The following DCAF16 variants were observed in gnomAD, a reference collection of about 807,000 sequenced individuals.
DCAF16 encodes DDB1 and CUL4 associated factor 16, also known as DDB1- and CUL4-associated factor 16.
In DCAF16, 10 loss-of-function variants were observed where a neutral mutation model predicts 17.3. That is an observed-to-expected ratio of 0.58 (90% confidence interval 0.36 to 0.98). DCAF16 has a LOEUF of 0.98. DCAF16 is among the 50% of genes least tolerant of loss of function. The pLI is 0.01. For synonymous variants in DCAF16, 111 were observed against 92.8 expected (o/e 1.20, Z -1.12); for missense variants, 249 against 247.6 (o/e 1.01, Z -0.04).
intron 1 of DCAF16, among the ~76,000 whole-genome samples, chr4:17,805,427 TAAG>T (rs1163599197): frequency 2.0e-5 from 3 of 152,046 alleles, no homozygotes; most frequent in African/African-American, 4.8e-5. Context: ...CCCAGGAAAG[TAAG>T]AATAGCTCAA....
intron 1 of DCAF16, among the ~76,000 whole-genome samples, chr4:17,806,829 C>A (rs1720371265): frequency 6.6e-6 from 1 of 151,948 alleles, no homozygotes; most frequent in Non-Finnish European, 1.5e-5. Flanking sequence ...TAAGAACAGA[C>A]AATAGTCCAA....
At chr4:17,808,571 G>A (rs73096985) in intron 1 of DCAF16, among the ~76,000 whole-genome samples, 3,243 of 151,104 alleles carry the variant, frequency 0.021, 123 homozygotes, top group African/African-American at 0.074. Context: ...AAAAAATACT[G>A]AACCAATACC....
intron 1 of DCAF16, among the ~76,000 whole-genome samples, chr4:17,806,818 A>G (rs1444989789): frequency 1.3e-5 from 2 of 152,248 alleles, no homozygotes; most frequent in African/African-American, 4.8e-5. Flanking sequence ...TAGGATTAGC[A>G]TAAGAACAGA....
rs142595985 is a variant in DCAF16, at chr4:17,803,596, C to T, written c.546G>A (p.Leu182=). 40 of 1,614,062 alleles carry T rather than the reference C, an allele frequency of 2.5e-5. No homozygotes were observed. Among genetic ancestry groups the T allele is most frequent in the Non-Finnish European group, 3.1e-5 (37 of 1,180,048 alleles). Residue 182 remains leucine, a synonymous_variant, in exon 3 of 3, where the codon CTG becomes CTA. Coordinates refer to ENST00000382247, the MANE Select transcript of DCAF16 (RefSeq NM_017741.4). ...SCVSGCCCGW[L]TKTVKETTRT... is the part of the protein sequence containing the mutation. The stretch of plus-strand genomic sequence containing the variant: ...GAGTTGTTTCCTTAACTGTTTTAGT[C>T]AGCCAGCCACAGCAACACCCAGAAA...
chr4:17,809,262 G>A (rs1164975382), intron 1 of DCAF16, among the ~76,000 whole-genome samples: 1 of 152,186 alleles, frequency 6.6e-6, no homozygotes, highest in Non-Finnish European at 1.5e-5. Flanking sequence ...TTTGTGAGCA[G>A]TAAACGAAGT....
In DCAF16 at chr4:17,804,013, C is replaced by G. The variant is rs1336360851; in HGVS notation, c.129G>C (p.Val43=). The change falls in exon 3 of 3, where the codon GTG becomes GTC. Residue 43 remains valine (V), a synonymous_variant. Transcript: ENST00000382247. The stretch of plus-strand genomic sequence containing the variant: ...GACTCTCAAGAGGCGATAAGTTGGG[C>G]ACCATAGAGTCCTCTTCTTCAGAGG... ...WDSSEEEDSM[V]PNLSPLESLA... 2 of 1,614,070 alleles carry G rather than the reference C, an allele frequency of 1.2e-6. No homozygotes were observed. Among genetic ancestry groups the G allele is most frequent in the African/African-American group, 2.7e-5 (2 of 74,918 alleles).
At chr4:17,796,109 A>G (rs1203076768), downstream of DCAF16, among the ~76,000 whole-genome samples, 1 of 152,218 alleles carries the variant, frequency 6.6e-6, no homozygotes, top group East Asian at 1.9e-4. Context: ...TCTCCAGACA[A>G]TAAGGCTTCA....
chr4:17,805,444 A>T (rs879647263), intron 1 of DCAF16, among the ~76,000 whole-genome samples: 29 of 151,964 alleles, frequency 1.9e-4, no homozygotes, highest in African/African-American at 4.3e-4. Context: ...AGCTCAAATT[A>T]AAAAAAAGTA....
chr4:17,808,935 G>A (rs987584589), intron 1 of DCAF16, among the ~76,000 whole-genome samples: 1 of 152,086 alleles, frequency 6.6e-6, no homozygotes, highest in African/African-American at 2.4e-5. Flanking sequence ...AGACTGAGGC[G>A]GGAGAATCGC....
Position 17,804,149 on chromosome 4 carries a change from A to T in DCAF16, c.-8T>A, listed in dbSNP as rs1171645097. ...GGGATTTCTAGGACCCATCAGAATA[A>T]AACACAGTAAGGAACCAGAAAAAGG... On this transcript the variant is annotated 5_prime_UTR_variant, in exon 3 of 3. Transcript: ENST00000382247. 1 of 1,607,712 alleles carries T rather than the reference A, an allele frequency of 6.2e-7. No individual in the cohort carries two copies. Among genetic ancestry groups the T allele is most frequent in the Admixed American group, 1.7e-5 (1 of 58,880 alleles).
chr4:17,806,871 T>C (rs941791867), intron 1 of DCAF16, among the ~76,000 whole-genome samples: 1 of 152,278 alleles, frequency 6.6e-6, no homozygotes, highest in African/African-American at 2.4e-5. Context: ...AACAGAGCTA[T>C]ATATAATTTG....
intron 1 of DCAF16, among the ~76,000 whole-genome samples, chr4:17,808,010 A>G (rs371442055): frequency 6.6e-6 from 1 of 152,348 alleles, no homozygotes; most frequent in East Asian, 1.9e-4. Flanking sequence ...GCCTGCAGTA[A>G]GTAACTACCA....
downstream of DCAF16, among the ~76,000 whole-genome samples, chr4:17,800,141 T>C (rs1399583407): frequency 8.6e-6 from 1 of 116,482 alleles, no homozygotes; most frequent in South Asian, 2.7e-4. Context: ...CGAAACTCCA[T>C]CTCAAAAAAA....
At chr4:17,796,867 C>G (rs563259916), downstream of DCAF16, among the ~76,000 whole-genome samples, 1 of 152,160 alleles carries the variant, frequency 6.6e-6, no homozygotes, top group Non-Finnish European at 1.5e-5. Flanking sequence ...TCTTCTGACA[C>G]TCAACAACAG....
At chr4:17,797,271 A>C (rs2109009360), downstream of DCAF16, among the ~76,000 whole-genome samples, 1 of 152,242 alleles carries the variant, frequency 6.6e-6, no homozygotes, top group East Asian at 1.9e-4. Flanking sequence ...AAATGCAGGA[A>C]ACTAAATTTG....
chr4:17,809,831 G>A (rs1009556986), intron 1 of DCAF16: 1 of 152,174 alleles, frequency 6.6e-6, no homozygotes, highest in Admixed American at 6.5e-5. Context: ...CTGGGGGATG[G>A]TGGCCACAAA....
At chr4:17,794,288 A>C in the DCAF16 span, among the ~76,000 whole-genome samples, 1 of 152,140 alleles carries the variant, frequency 6.6e-6, no homozygotes, top group Non-Finnish European at 1.5e-5. Context: ...CTAAACATGA[A>C]ATTCATTCAT....
rs1004785053 is a variant in DCAF16, at chr4:17,803,786, C to T, written c.356G>A (p.Cys119Tyr). ...AGGCTTTTGAAAAGGTGGGACTCCACAAGAGGCCAGAGGGGGCCATTCAGG... is the reference window on the plus strand; with the variant it reads ...AGGCTTTTGAAAAGGTGGGACTCCATAAGAGGCCAGAGGGGGCCATTCAGG... ...PIPEWPPLASCGVPPFQKPLT... is the reference protein window; with the variant it reads ...PIPEWPPLASYGVPPFQKPLT... Residue 119 changes from cysteine (C) to tyrosine (Y), a missense_variant, in exon 3 of 3, where the codon TGT becomes TAT. Cys to Tyr is a radical substitution (Grantham distance 194). Transcript: ENST00000382247. The T allele has an allele frequency of 1.9e-6, 3 of 1,614,036 alleles. No individual in the cohort carries two copies. The highest frequency in any genetic ancestry group is 2.5e-6 in the Non-Finnish European group (3 of 1,180,046).
chr4:17,794,432 A>C, the DCAF16 span, among the ~76,000 whole-genome samples: 2 of 152,260 alleles, frequency 1.3e-5, no homozygotes, highest in African/African-American at 4.8e-5. Context: ...GTTGGCACTC[A>C]AAAAGTTTTG....
Sources: gnomAD v4.1 joint callset for allele counts (sites outside exome capture counted in the v4.1 genomes callset) on GRCh38, gnomAD v4.1.1 for gene constraint, MANE v1.5 for transcripts, NCBI Gene and HGNC (gene_info 2026-07-23, HGNC 2026-07-21) for gene names.